Variants in NELL1 observed in about 807,000 individuals in gnomAD.
The protein encoded by NELL1 is neural EGFL like 1, also known as protein kinase C-binding protein NELL1.
Under a neutral mutation model 107.4 loss-of-function variants are expected in NELL1, and 76 were observed. The ratio of observed to expected loss-of-function variants is 0.71; its 90% CI spans 0.59 to 0.86. NELL1 has a LOEUF of 0.86. Ranked by LOEUF, NELL1 falls within the 40% of genes least tolerant of loss-of-function variation. The probability of loss-of-function intolerance (pLI) is 0.00; values close to 1 mark genes in which losing one functional copy is unlikely to be tolerated. For missense variants in NELL1, 1,024 were observed against 1,005.5 expected (o/e 1.02, Z -0.25); for synonymous variants, 353 against 341.2 (o/e 1.03, Z -0.38).
At chr11:20,673,291 G>A (rs1420995099) in intron 1 of NELL1, among the ~76,000 whole-genome samples, 2 of 152,142 alleles carry the variant, frequency 1.3e-5, no homozygotes, top group African/African-American at 4.8e-5. Context: ...CAGGCATAGA[G>A]CATATTCTTC....
intron 2 of NELL1, among the ~76,000 whole-genome samples, chr11:20,738,026 T>C (rs564320639): frequency 5.1e-4 from 75 of 147,126 alleles, no homozygotes; most frequent in African/African-American, 1.8e-3. Context: ...ATTGGTATAG[T>C]ATTCGTTAAG....
intron 3 of NELL1, among the ~76,000 whole-genome samples, chr11:20,830,317 G>T (rs1857981448): frequency 6.6e-6 from 1 of 151,968 alleles, no homozygotes; most frequent in African/African-American, 2.4e-5. Context: ...AATCACTGAA[G>T]TGAGAAGGTG....
chr11:21,429,591 C>T (rs187532578), intron 15 of NELL1, among the ~76,000 whole-genome samples: 2 of 152,232 alleles, frequency 1.3e-5, no homozygotes, highest in East Asian at 3.9e-4. Flanking sequence ...TGTTCCAAAC[C>T]CACACATTCT....
chr11:21,540,891 TAGAG>T (rs903469658), intron 16 of NELL1, among the ~76,000 whole-genome samples: 2 of 152,152 alleles, frequency 1.3e-5, no homozygotes, highest in African/African-American at 4.8e-5. Context: ...AAGTGATTAT[TAGAG>T]AGACAATTTG....
At chr11:21,230,614 A>C (rs1473308187) in intron 14 of NELL1, among the ~76,000 whole-genome samples, 1 of 152,224 alleles carries the variant, frequency 6.6e-6, no homozygotes, top group Non-Finnish European at 1.5e-5. Context: ...CCAAAGATAC[A>C]TAGTAAACAC....
intron 14 of NELL1, among the ~76,000 whole-genome samples, chr11:21,356,692 G>T (rs1382587077): frequency 6.6e-6 from 1 of 152,080 alleles, no homozygotes; most frequent in Non-Finnish European, 1.5e-5. Flanking sequence ...TGGGGAACAG[G>T]GTTTTTGGTT....
At chr11:21,416,868 A>C (rs547858530) in intron 15 of NELL1, among the ~76,000 whole-genome samples, 4 of 152,244 alleles carry the variant, frequency 2.6e-5, no homozygotes, top group Non-Finnish European at 5.9e-5. Context: ...TCAGGAAAAC[A>C]ATTGGGTAAA....
intron 12 of NELL1, among the ~76,000 whole-genome samples, chr11:21,036,385 T>C (rs1177085430): frequency 1.3e-5 from 2 of 152,110 alleles, no homozygotes; most frequent in African/African-American, 2.4e-5. Context: ...GAAAACTATT[T>C]TAAAATTTAT....
chr11:20,844,385 C>T (rs181763855), intron 3 of NELL1, among the ~76,000 whole-genome samples: 135 of 152,198 alleles, frequency 8.9e-4, no homozygotes, highest in East Asian at 1.7e-3. Context: ...TTTCTGGGAG[C>T]GAAGGCAGTT....
chr11:21,513,041 A>T (rs1196317443), intron 15 of NELL1, among the ~76,000 whole-genome samples: 3 of 152,186 alleles, frequency 2.0e-5, no homozygotes, highest in Non-Finnish European at 4.4e-5. Context: ...GTGATTGGAC[A>T]TCAAGTTTAT....
chr11:20,976,345 G>C (rs1022263051), intron 12 of NELL1, among the ~76,000 whole-genome samples: 12 of 152,080 alleles, frequency 7.9e-5, no homozygotes, highest in African/African-American at 2.9e-4. Context: ...AACACAATCA[G>C]AATGTAACTG....
intron 15 of NELL1, among the ~76,000 whole-genome samples, chr11:21,469,893 A>C (rs1029995610): frequency 3.3e-5 from 5 of 152,042 alleles, no homozygotes; most frequent in African/African-American, 1.2e-4. Context: ...GTACTTTCAG[A>C]TTGCTAGCTT....
chr11:20,840,604 A>G (rs2134048759), intron 3 of NELL1, among the ~76,000 whole-genome samples: 1 of 152,352 alleles, frequency 6.6e-6, no homozygotes, highest in African/African-American at 2.4e-5. Flanking sequence ...CCTCACAGCA[A>G]GGTGGCCTCA....
intron 15 of NELL1, among the ~76,000 whole-genome samples, chr11:21,406,757 C>T (rs1157179010): frequency 6.6e-6 from 1 of 151,988 alleles, no homozygotes; most frequent in Non-Finnish European, 1.5e-5. Context: ...CACATGCATA[C>T]AGTGTGTAAT....
intron 14 of NELL1, among the ~76,000 whole-genome samples, chr11:21,323,827 G>T (rs558053875): frequency 1.3e-5 from 2 of 152,108 alleles, no homozygotes; most frequent in South Asian, 2.1e-4. Flanking sequence ...GACTCTATCT[G>T]CCCCCTACTG....
chr11:21,360,325 A>C (rs1851046279), intron 14 of NELL1, among the ~76,000 whole-genome samples: 1 of 152,168 alleles, frequency 6.6e-6, no homozygotes, highest in Admixed American at 6.5e-5. Flanking sequence ...GTTGACTTCC[A>C]GTTTTATTCC....
At chr11:21,251,718 G>T (rs1411420411) in intron 14 of NELL1, among the ~76,000 whole-genome samples, 1 of 152,038 alleles carries the variant, frequency 6.6e-6, no homozygotes, top group African/African-American at 2.4e-5. Context: ...AATAATTAAT[G>T]ATCATAGTCC....
intron 13 of NELL1, among the ~76,000 whole-genome samples, chr11:21,180,758 G>C (rs951881565): frequency 1.3e-5 from 2 of 151,570 alleles, no homozygotes; most frequent in Admixed American, 1.3e-4. Context: ...GCAAGGTTTA[G>C]GGGCTCTCTG....
intron 18 of NELL1, among the ~76,000 whole-genome samples, chr11:21,572,150 G>T (rs1294057905): frequency 1.3e-5 from 2 of 151,784 alleles, no homozygotes; most frequent in African/African-American, 4.8e-5. Flanking sequence ...TATGAGACTG[G>T]CAAATTGCAT....
Sources: gnomAD v4.1 joint callset for allele counts (sites outside exome capture counted in the v4.1 genomes callset) on GRCh38, gnomAD v4.1.1 for gene constraint, MANE v1.5 for transcripts, NCBI Gene and HGNC (gene_info 2026-07-23, HGNC 2026-07-21) for gene names.